Variants in RNF123 observed in about 807,000 individuals in gnomAD.
The protein encoded by RNF123 is ring finger protein 123.
Under a neutral mutation model 168.5 loss-of-function variants are expected in RNF123, and 86 were observed. That is an observed-to-expected ratio of 0.51 (90% CI 0.43 to 0.61). The LOEUF (loss-of-function observed/expected upper bound fraction) is 0.61. Ranked by LOEUF, RNF123 falls within the 20% of genes least tolerant of loss-of-function variation. The pLI is 0.00. For missense variants in RNF123, 1,419 were observed against 1,729.7 expected, an observed-to-expected ratio of 0.82 and a Z score of 3.19; for synonymous variants, 666 against 689.1, an observed-to-expected ratio of 0.97 and a Z score of 0.52.
At chr3:49,698,557 C>T (rs1454965179) in intron 8 of RNF123, 31 bp downstream of exon 8, 1 of 1,607,440 alleles carries the variant, frequency 6.2e-7, no homozygotes. Context: ...GGTCATCCGC[C>T]CCATGACTGT....
intron 26 of RNF123, 89 bp downstream of exon 26, chr3:49,706,987 CCT>C: frequency 1.0e-6 from 1 of 967,388 alleles, no homozygotes; most frequent in South Asian, 1.4e-5. Context: ...ATGCCCCCAC[CCT>C]CTCAGGCCTC....
intron 25 of RNF123, 110 bp from the exon 26 acceptor site, chr3:49,706,681 C>G (rs571664308): frequency 1.1e-6 from 1 of 904,344 alleles, no homozygotes; most frequent in African/African-American, 1.6e-5. Flanking sequence ...GAGCCCAATC[C>G]CTTGCCTGCT....
intron 35 of RNF123, chr3:49,718,415 C>G: frequency 6.2e-7 from 1 of 1,612,964 alleles, no homozygotes; most frequent in Non-Finnish European, 8.5e-7. Context: ...GCCAGGCACA[C>G]GAAGAGTCCC....
In RNF123 at chr3:49,699,274, G is replaced by C. The variant is rs1297253575; in HGVS notation, c.764+169G>C. Among the ~76,000 whole-genome samples, 2 of 152,072 alleles carry C rather than the reference G, an allele frequency of 1.3e-5. No individual in the cohort carries two copies. Among genetic ancestry groups the C allele is most frequent in the African/African-American group, 4.8e-5 (2 of 41,398 alleles). On this transcript the variant is annotated intron_variant, in intron 10 of 38. Transcript: ENST00000327697. This position sits in a 1 kb window ranked among gnomAD's most constrained non-coding sequence, Gnocchi z 4.8. Reference sequence around the variant, plus strand: ...AGAAAACTTTCCTCGCAGCAGCCTGGTTGGTTGGGTGCCCTTGTCTCCACT... The same window carrying C: ...AGAAAACTTTCCTCGCAGCAGCCTGCTTGGTTGGGTGCCCTTGTCTCCACT...
intron 26 of RNF123, among the ~76,000 whole-genome samples, chr3:49,710,925 T>C (rs1246191918): frequency 6.6e-6 from 1 of 152,202 alleles, no homozygotes; most frequent in East Asian, 1.9e-4. Flanking sequence ...TCTTCAGCAC[T>C]AACTCACCTG....
intron 26 of RNF123, among the ~76,000 whole-genome samples, chr3:49,707,110 C>T (rs537106433): frequency 1.6e-4 from 24 of 152,264 alleles, no homozygotes; most frequent in African/African-American, 4.1e-4. Context: ...ACCTCCAGTT[C>T]GCCTCATAGA....
intron 7 of RNF123, 115 bp from the exon 8 acceptor site, chr3:49,698,325 C>T (rs898613553): frequency 2.0e-6 from 2 of 1,001,616 alleles, no homozygotes; most frequent in Non-Finnish European, 3.1e-6. Flanking sequence ...TACTCTTTCC[C>T]TCAGATCATC....
intron 26 of RNF123, among the ~76,000 whole-genome samples, chr3:49,709,399 C>T (rs2080098898): frequency 6.6e-6 from 1 of 151,188 alleles, no homozygotes. Flanking sequence ...CTCCCGGGTT[C>T]ACACCATTCT....
intron 5 of RNF123, 81 bp from the exon 6 acceptor site, chr3:49,697,804 A>T: frequency 6.5e-7 from 1 of 1,550,070 alleles, no homozygotes; most frequent in Admixed American, 1.7e-5. Flanking sequence ...GGGCTGGCTC[A>T]GTTGGGGATG....
intron 24 of RNF123, 83 bp downstream of exon 24, chr3:49,705,762 C>T (rs963667331): frequency 3.0e-5 from 47 of 1,586,088 alleles, no homozygotes; most frequent in Non-Finnish European, 3.6e-5. Flanking sequence ...CACATGGGCC[C>T]GCAGGGCTGC....
At chr3:49,704,615 C>A (rs1342997651) in intron 21 of RNF123, 35 bp from the exon 22 acceptor site, 1 of 1,570,176 alleles carries the variant, frequency 6.4e-7, no homozygotes, top group Admixed American at 1.8e-5. Context: ...CTTGCGCCAC[C>A]ACTGGCCTGA....
Position 49,700,721 on chromosome 3 carries a change from T to A in RNF123, c.1277+12T>A. On this transcript the variant is annotated intron_variant, in intron 15 of 38. Coordinates refer to ENST00000327697, the MANE Select transcript of RNF123 (RefSeq NM_022064.5). ...CTTAGCAATGTCCTGTATCCTTTCC[T>A]TGCTGCCTGGCAGGCCAGACATGGG... is the stretch of plus-strand genomic sequence containing the variant. The A allele has an allele frequency of 6.2e-7, 1 of 1,614,024 alleles. No homozygotes were observed. The highest frequency in any genetic ancestry group is 8.5e-7 in the Non-Finnish European group (1 of 1,179,978).
chr3:49,707,031 ACT>A, intron 26 of RNF123, 133 bp downstream of exon 26: 1 of 690,872 alleles, frequency 1.4e-6, no homozygotes, highest in Non-Finnish European at 2.6e-6. Context: ...CACACTTCAG[ACT>A]CCATCACCCC....
At position 49,699,177 on chromosome 3, in the gene RNF123, C is replaced by T; in HGVS notation, c.764+72C>T. 1 of 1,546,914 alleles carries T rather than the reference C, an allele frequency of 6.5e-7. No homozygotes were observed. Among genetic ancestry groups the T allele is most frequent in the South Asian group, 1.2e-5 (1 of 82,620 alleles). ...GAGGCTGGGATGAGGGGCTCCCTAC[C>T]CCAGGGGTGCCATGGGCTGGTGGCA... is the stretch of plus-strand genomic sequence containing the variant. On this transcript the variant is annotated intron_variant, in intron 10 of 38. Coordinates refer to ENST00000327697, the MANE Select transcript of RNF123 (RefSeq NM_022064.5). The surrounding 1 kb of genome is among the most constrained non-coding windows in gnomAD (Gnocchi z 4.8).
At chr3:49,712,829 C>T (rs1483322869) in intron 27 of RNF123, 173 bp downstream of exon 27, 1 of 762,552 alleles carries the variant, frequency 1.3e-6, no homozygotes, top group Non-Finnish European at 2.3e-6. Flanking sequence ...GCACCCTGCC[C>T]TGGGACCTGC....
At chr3:49,705,729 G>C (rs1227140133) in intron 24 of RNF123, 50 bp downstream of exon 24, 1 of 1,610,852 alleles carries the variant, frequency 6.2e-7, no homozygotes, top group Non-Finnish European at 8.5e-7. Flanking sequence ...GTGCGTGTTT[G>C]GTTGTGTGTG....
intron 18 of RNF123, 59 bp downstream of exon 18, chr3:49,702,203 C>A: frequency 1.3e-6 from 2 of 1,599,092 alleles, no homozygotes; most frequent in Non-Finnish European, 1.7e-6. Context: ...TGCACTGGGC[C>A]TTAAGACCCA....
intron 26 of RNF123, among the ~76,000 whole-genome samples, chr3:49,709,732 C>T (rs2080106206): frequency 6.6e-6 from 1 of 152,098 alleles, no homozygotes; most frequent in Admixed American, 6.5e-5. Flanking sequence ...AGCCATCGCG[C>T]CCTGCAATTT....
chr3:49,706,111 C>CAGGT (rs2054514179), intron 25 of RNF123, 46 bp downstream of exon 25: 1 of 1,527,126 alleles, frequency 6.5e-7, no homozygotes, highest in East Asian at 2.2e-5. Context: ...CTTACTCGTA[C>CAGGT]AGGTAACCAC....
Sources: allele counts gnomAD v4.1 joint callset (sites outside exome capture counted in the v4.1 genomes callset), GRCh38; gene constraint gnomAD v4.1.1; non-coding constraint Gnocchi (gnomAD v3.1); transcripts MANE v1.5; gene names NCBI Gene and HGNC (gene_info 2026-07-23, HGNC 2026-07-21).